FBXO34: variants seen among roughly 807,000 people sequenced by gnomAD.
FBXO34 encodes the protein F-box protein 34, also known as F-box only protein 34.
Under a neutral mutation model 24.5 loss-of-function variants are expected in FBXO34, and 12 were observed. That is an observed-to-expected ratio of 0.49 (90% CI 0.31 to 0.79). The LOEUF (loss-of-function observed/expected upper bound fraction) is 0.79, where lower values mean the gene tolerates loss of function less well. Ranked by LOEUF, FBXO34 falls within the 30% of genes least tolerant of loss-of-function variation. The probability of loss-of-function intolerance (pLI) is 0.04; values close to 1 mark genes in which losing one functional copy is unlikely to be tolerated. For synonymous variants in FBXO34, 320 were observed against 311.9 expected (o/e 1.03, Z -0.27); for missense variants, 823 against 857.7 (o/e 0.96, Z 0.51).
At chr14:55,298,532 AC>A (rs1276319441) in intron 1 of FBXO34, 1 of 614,842 alleles carries the variant, frequency 1.6e-6, no homozygotes, top group Non-Finnish European at 2.9e-6. Context: ...CCTACATTTG[AC>A]CTACTTCTTG....
chr14:55,368,638 G>C (rs1884739522), downstream of FBXO34: 1 of 151,894 alleles, frequency 6.6e-6, no homozygotes, highest in South Asian at 2.1e-4. Flanking sequence ...AGAGTTCGGG[G>C]AAACAAGTAG....
At chr14:55,344,186 T>C (rs907088941) in intron 1 of FBXO34, among the ~76,000 whole-genome samples, 4 of 152,186 alleles carry the variant, frequency 2.6e-5, no homozygotes, top group African/African-American at 9.6e-5. Flanking sequence ...CACCTTCTAG[T>C]CACCCCTCCA....
chr14:55,390,133 C>T, the FBXO34 span, among the ~76,000 whole-genome samples: 16 of 152,274 alleles, frequency 1.1e-4, no homozygotes, highest in African/African-American at 3.4e-4. Context: ...TGCAATGGCA[C>T]GATCTCAGCT....
the FBXO34 span, among the ~76,000 whole-genome samples, chr14:55,379,937 A>AAAC: frequency 6.6e-6 from 1 of 152,156 alleles, no homozygotes. Context: ...TTTTATTAAA[A>AAAC]AACAACAACA....
At chr14:55,401,839 G>A in the FBXO34 span, among the ~76,000 whole-genome samples, 1 of 152,204 alleles carries the variant, frequency 6.6e-6, no homozygotes, top group Non-Finnish European at 1.5e-5. Flanking sequence ...TGAGACCTGA[G>A]GGTGAGCCAG....
downstream of FBXO34, chr14:55,369,286 T>C (rs551108923): frequency 6.3e-5 from 12 of 189,780 alleles, no homozygotes; most frequent in Non-Finnish European, 9.7e-5. Context: ...GACCCATATC[T>C]GTGGGCCCGG....
intron 1 of FBXO34, among the ~76,000 whole-genome samples, chr14:55,283,278 TA>T (rs11334051): frequency 0.4 from 60,010 of 151,116 alleles, 12,133 homozygotes; most frequent in Non-Finnish European, 0.43. Context: ...GATAAAAAGC[TA>T]AAAAAAAATA....
At chr14:55,414,468 C>T in the FBXO34 span, 4 of 1,575,230 alleles carry the variant, frequency 2.5e-6, no homozygotes, top group East Asian at 2.3e-5. Flanking sequence ...ATAAAGAAAT[C>T]CAGGTTTATA....
intron 1 of FBXO34, chr14:55,299,352 C>T (rs906056893): frequency 4.9e-6 from 2 of 404,826 alleles, no homozygotes; most frequent in East Asian, 5.5e-5. Flanking sequence ...CATTGCTGCT[C>T]GCTCTCTGCA....
intron 1 of FBXO34, among the ~76,000 whole-genome samples, chr14:55,338,750 C>CA (rs1290555866): frequency 2.0e-5 from 3 of 151,728 alleles, no homozygotes; most frequent in African/African-American, 4.8e-5. Flanking sequence ...ACTAAAAATA[C>CA]AAAAAATTAG....
chr14:55,275,550 C>T (rs1881305743), intron 1 of FBXO34, among the ~76,000 whole-genome samples: 1 of 151,778 alleles, frequency 6.6e-6, no homozygotes, highest in Admixed American at 6.6e-5. Flanking sequence ...TGCAGTGGCT[C>T]ATGCCTGTGA....
the FBXO34 span, among the ~76,000 whole-genome samples, chr14:55,420,032 T>G: frequency 6.6e-6 from 1 of 152,244 alleles, no homozygotes; most frequent in African/African-American, 2.4e-5. Context: ...GTTCCTTTCC[T>G]GAGGTGTTCA....
the FBXO34 span, among the ~76,000 whole-genome samples, chr14:55,403,843 T>G: frequency 6.6e-6 from 1 of 152,242 alleles, no homozygotes; most frequent in African/African-American, 2.4e-5. Context: ...ATGTTTGAGC[T>G]AAACATTTCA....
At chr14:55,433,307 CTCTT>C in the FBXO34 span, among the ~76,000 whole-genome samples, 7 of 103,872 alleles carry the variant, frequency 6.7e-5, no homozygotes, top group African/African-American at 2.9e-4. Context: ...TTTTAGATTT[CTCTT>C]TTTTTTTTTT....
chr14:55,345,688 C>T (rs557306860), intron 1 of FBXO34, among the ~76,000 whole-genome samples: 10 of 152,202 alleles, frequency 6.6e-5, no homozygotes, highest in South Asian at 2.1e-4. Flanking sequence ...TAGCCCAGAG[C>T]GGTTAGGACA....
At chr14:55,281,209 G>A (rs1265181911) in intron 1 of FBXO34, among the ~76,000 whole-genome samples, 1 of 143,604 alleles carries the variant, frequency 7.0e-6, no homozygotes, top group Non-Finnish European at 1.5e-5. Context: ...AGCTATGATC[G>A]TGCCACTGGA....
At chr14:55,399,849 T>C in the FBXO34 span, among the ~76,000 whole-genome samples, 4 of 152,186 alleles carry the variant, frequency 2.6e-5, no homozygotes, top group Admixed American at 6.5e-5. Context: ...CTAAAACAAA[T>C]TGGGAAGACA....
At chr14:55,315,552 G>A (rs1312754279) in intron 1 of FBXO34, among the ~76,000 whole-genome samples, 1 of 152,180 alleles carries the variant, frequency 6.6e-6, no homozygotes, top group African/African-American at 2.4e-5. Context: ...GTTTATGTAA[G>A]TTAAACTTTG....
At chr14:55,315,717 G>C (rs1882904248) in intron 1 of FBXO34, among the ~76,000 whole-genome samples, 1 of 152,154 alleles carries the variant, frequency 6.6e-6, no homozygotes, top group Admixed American at 6.5e-5. Flanking sequence ...TGCTCCTGAA[G>C]ACCTAAGCCA....
Sources: allele counts gnomAD v4.1 joint callset (sites outside exome capture counted in the v4.1 genomes callset), GRCh38; gene constraint gnomAD v4.1.1; transcripts MANE v1.5; gene names NCBI Gene and HGNC (gene_info 2026-07-23, HGNC 2026-07-21).